Variants in ESRRG observed in about 807,000 individuals in gnomAD.
ESRRG encodes estrogen related receptor gamma.
In ESRRG, 13 loss-of-function variants were observed where a neutral mutation model predicts 44.0. The ratio of observed to expected loss-of-function variants is 0.30; its 90% CI spans 0.19 to 0.47. ESRRG has a LOEUF of 0.47. Among genes scored for constraint, ESRRG ranks in the 20% least tolerant of loss-of-function variants. The pLI is 1.00. For synonymous variants in ESRRG, 215 were observed against 214.6 expected (o/e 1.00, Z -0.02); for missense variants, 395 against 580.6 (o/e 0.68, Z 3.29).
intron 2 of ESRRG, among the ~76,000 whole-genome samples, chr1:216,661,698 T>A (rs1344072697): frequency 6.6e-6 from 1 of 151,942 alleles, no homozygotes; most frequent in Non-Finnish European, 1.5e-5. Flanking sequence ...TATCCCTAAG[T>A]ACTTCTGTTC....
chr1:216,917,722 C>G (rs1044271814), intron 2 of ESRRG, among the ~76,000 whole-genome samples: 2 of 152,120 alleles, frequency 1.3e-5, no homozygotes, highest in African/African-American at 4.8e-5. Flanking sequence ...GTTTGTTGAA[C>G]GATTATGTGA....
chr1:216,506,454 G>GAAAGGAAAGGGAAAAGGAAAGGGAA lies in ESRRG; in HGVS notation c.*460_*484dup. On this transcript the variant is annotated 3_prime_UTR_variant, in exon 7 of 7. Coordinates refer to ENST00000408911, the MANE Select transcript of ESRRG (RefSeq NM_001438.4). ...GATGGAAAGAAGGTCAAGAGGAAAG[G>GAAAGGAAAGGGAAAAGGAAAGGGAA]AAAGGAAAGGGAAAAGGAAAGGGAA... 3.0e-6 allele frequency: 1 copy of GAAAGGAAAGGGAAAAGGAAAGGGAA among 331,286 alleles called. No individual in the cohort carries two copies. Among genetic ancestry groups the GAAAGGAAAGGGAAAAGGAAAGGGAA allele is most frequent in the Non-Finnish European group, 5.9e-6 (1 of 170,488 alleles). The allele number at this position is 331,286 out of a possible 1,614,324, so 20.5% of individuals were successfully genotyped here. A position where few individuals can be genotyped will look rare whatever the true frequency, so the allele number is the denominator to read the frequency against.
chr1:216,543,219 C>T (rs2053433718), intron 5 of ESRRG, among the ~76,000 whole-genome samples: 2 of 152,002 alleles, frequency 1.3e-5, no homozygotes, highest in African/African-American at 2.4e-5. Flanking sequence ...CCATTAAATC[C>T]ATGGAATGAC....
chr1:216,652,144 G>C (rs2069147119), intron 2 of ESRRG, among the ~76,000 whole-genome samples: 1 of 152,098 alleles, frequency 6.6e-6, no homozygotes, highest in African/African-American at 2.4e-5. Flanking sequence ...CACACCAAAT[G>C]CATAAATTCT....
At chr1:216,647,290 G>A (rs1334119692) in intron 3 of ESRRG, among the ~76,000 whole-genome samples, 2 of 151,982 alleles carry the variant, frequency 1.3e-5, no homozygotes, top group African/African-American at 4.8e-5. Context: ...AATAATGCTG[G>A]CCCATCATTT....
At chr1:217,081,221 C>CTTTT (rs143325476) in intron 1 of ESRRG, among the ~76,000 whole-genome samples, 3,954 of 70,324 alleles carry the variant, frequency 0.056, 992 homozygotes, top group African/African-American at 0.15. Context: ...TAAAAATATT[C>CTTTT]TTTTTTTTTT....
At chr1:216,652,871 T>C (rs2069355579) in intron 2 of ESRRG, among the ~76,000 whole-genome samples, 1 of 152,116 alleles carries the variant, frequency 6.6e-6, no homozygotes, top group Non-Finnish European at 1.5e-5. Context: ...TACTACTAGA[T>C]CCTTCCACCC....
At chr1:216,982,081 C>T (rs1276635389) in intron 1 of ESRRG, among the ~76,000 whole-genome samples, 1 of 152,168 alleles carries the variant, frequency 6.6e-6, no homozygotes, top group Non-Finnish European at 1.5e-5. Flanking sequence ...TCAGAGAAAA[C>T]TCTTTCCCCA....
intron 1 of ESRRG, among the ~76,000 whole-genome samples, chr1:216,977,368 A>ACACACACG (rs750120543): frequency 2.0e-5 from 3 of 151,536 alleles, no homozygotes; most frequent in African/African-American, 7.3e-5. Context: ...ACACACACAC[A>ACACACACG]CACATATACA....
Position 216,561,430 on chromosome 1 carries a change from A to C in ESRRG, c.862+2789T>G, listed in dbSNP as rs1353209506. Among the ~76,000 whole-genome samples, 3 of 152,178 alleles carry C rather than the reference A, an allele frequency of 2.0e-5. No individual in the cohort carries two copies. The East Asian group carries it at 5.8e-4, about 29-fold the overall frequency. On this transcript the variant is annotated intron_variant, in intron 5 of 6. Coordinates refer to ENST00000408911, the MANE Select transcript of ESRRG (RefSeq NM_001438.4). ...TTTAAAGTTAAGACCAAGACAGGTG[A>C]AATTTCAGTTCTGATTTGGCTTTAA...
intron 2 of ESRRG, among the ~76,000 whole-genome samples, chr1:216,936,437 G>A (rs2064160868): frequency 6.6e-6 from 1 of 151,892 alleles, no homozygotes; most frequent in African/African-American, 2.4e-5. Flanking sequence ...ATGTGAAAAT[G>A]ACCACCATTT....
chr1:217,109,829 G>A (rs913569607), intron 1 of ESRRG, among the ~76,000 whole-genome samples: 12 of 152,134 alleles, frequency 7.9e-5, no homozygotes, highest in Non-Finnish European at 1.5e-4. Flanking sequence ...AACCCTAAGA[G>A]GCTAGGGGCA....
intron 1 of ESRRG, among the ~76,000 whole-genome samples, chr1:216,948,910 A>T (rs1288243345): frequency 1.3e-5 from 2 of 152,114 alleles, no homozygotes; most frequent in African/African-American, 4.8e-5. Context: ...TTTTTCAAGG[A>T]TCTACTTAGG....
At chr1:217,054,253 C>T (rs979964916) in intron 1 of ESRRG, among the ~76,000 whole-genome samples, 1 of 152,094 alleles carries the variant, frequency 6.6e-6, no homozygotes, top group Non-Finnish European at 1.5e-5. Context: ...AGAGATGATC[C>T]AATAGGCTAT....
chr1:217,061,454 A>G (rs893367458), intron 1 of ESRRG, among the ~76,000 whole-genome samples: 1 of 152,174 alleles, frequency 6.6e-6, no homozygotes, highest in Non-Finnish European at 1.5e-5. Context: ...TCACGCTTCC[A>G]ATTCAAAGGA....
At chr1:216,612,690 C>A (rs1442458618) in intron 3 of ESRRG, among the ~76,000 whole-genome samples, 1 of 152,174 alleles carries the variant, frequency 6.6e-6, no homozygotes, top group Non-Finnish European at 1.5e-5. Context: ...TTACTTTACA[C>A]TCCTCAAAAT....
chr1:217,053,465 AAAAGAAAGAAAGAAAG>A (rs3072270), intron 1 of ESRRG, among the ~76,000 whole-genome samples: 1 of 145,514 alleles, frequency 6.9e-6, no homozygotes, highest in Non-Finnish European at 1.5e-5. Context: ...AAAGCCAAAA[AAAAGAAAGAAAGAAAG>A]AAAGAAAGAA....
chr1:216,875,487 T>C (rs1206850799), intron 2 of ESRRG, among the ~76,000 whole-genome samples: 2 of 152,168 alleles, frequency 1.3e-5, no homozygotes, highest in Non-Finnish European at 2.9e-5. Context: ...CTGAACTTCA[T>C]ATGAATAGAA....
intron 1 of ESRRG, among the ~76,000 whole-genome samples, chr1:217,129,365 T>C (rs568094142): frequency 6.6e-6 from 1 of 152,322 alleles, no homozygotes; most frequent in Non-Finnish European, 1.5e-5. Flanking sequence ...AGAAATTAAA[T>C]CCCACATACA....
Sources: gnomAD v4.1 joint callset for allele counts (sites outside exome capture counted in the v4.1 genomes callset) on GRCh38, gnomAD v4.1.1 for gene constraint, MANE v1.5 for transcripts, NCBI Gene and HGNC (gene_info 2026-07-23, HGNC 2026-07-21) for gene names.